The following TM6SF1 variants were observed in gnomAD, a reference collection of about 807,000 sequenced individuals.
The protein encoded by TM6SF1 is transmembrane 6 superfamily member 1.
In TM6SF1, 43 loss-of-function variants were observed where a neutral mutation model predicts 47.1. The ratio of observed to expected loss-of-function variants is 0.91; its 90% CI spans 0.72 to 1.18. The LOEUF (loss-of-function observed/expected upper bound fraction) is 1.18. Among genes scored for constraint, TM6SF1 ranks in the 50% most tolerant of loss-of-function variants. The pLI, the probability that TM6SF1 is intolerant of heterozygous loss-of-function variation, is 0.00. For missense variants in TM6SF1, 390 were observed against 449.0 expected (o/e 0.87, Z 1.19); for synonymous variants, 177 against 166.3 (o/e 1.06, Z -0.49).
intron 9 of TM6SF1, chr15:83,133,860 G>A (rs1234289060): frequency 6.6e-6 from 1 of 152,240 alleles, no homozygotes; most frequent in Non-Finnish European, 1.5e-5. Context: ...TGCCTTAGGA[G>A]AAAGCTATGG....
chr15:83,118,406 A>G (rs1442299675), intron 3 of TM6SF1, among the ~76,000 whole-genome samples: 1 of 152,204 alleles, frequency 6.6e-6, no homozygotes, highest in Non-Finnish European at 1.5e-5. Flanking sequence ...CTACCAGGAG[A>G]GGCCAGCACT....
At chr15:83,117,085 C>T (rs904247681) in intron 3 of TM6SF1, among the ~76,000 whole-genome samples, 1 of 152,058 alleles carries the variant, frequency 6.6e-6, no homozygotes, top group Non-Finnish European at 1.5e-5. Flanking sequence ...TGGGTGCAGT[C>T]GGGGAAGGCT....
At chr15:83,117,735 C>A (rs1488852098) in intron 3 of TM6SF1, among the ~76,000 whole-genome samples, 1 of 152,036 alleles carries the variant, frequency 6.6e-6, no homozygotes, top group Non-Finnish European at 1.5e-5. Context: ...GGAGATGGGG[C>A]TTGGTCCAGC....
chr15:83,114,822 G>A (rs1433014209), intron 2 of TM6SF1: 1 of 152,214 alleles, frequency 6.6e-6, no homozygotes, highest in Non-Finnish European at 1.5e-5. Flanking sequence ...ATCACCTGCT[G>A]TTTAAAAAGT....
At chr15:83,122,490 C>T (rs745885891) in intron 5 of TM6SF1, among the ~76,000 whole-genome samples, 1 of 152,160 alleles carries the variant, frequency 6.6e-6, no homozygotes, top group Non-Finnish European at 1.5e-5. Flanking sequence ...GACAGGATCT[C>T]ACTCTGTTGC....
At chr15:83,115,056 A>C (rs747697588) in intron 2 of TM6SF1, 1 of 152,962 alleles carries the variant, frequency 6.5e-6, no homozygotes, top group Non-Finnish European at 1.5e-5. Flanking sequence ...GGGTAACCAC[A>C]CTGGACACGC....
rs748880564 is a variant in TM6SF1 at position 83,136,613 on chromosome 15, C to T, written c.1054C>T (p.Arg352Cys). ...YGVLPQLLAY[R>C]CIYKPEFFIK... ...AGTTCTTCCTCAGCTCTTGGCCTAT[C>T]GTTGTATCTACAAACCAGAGTTCTT... The change falls in exon 10 of 10, where the codon CGT (arginine) becomes TGT (cysteine). Residue 352 changes from arginine to cysteine, a missense_variant. Coordinates refer to ENST00000322019, the MANE Select transcript of TM6SF1 (RefSeq NM_023003.5). 6.8e-6 allele frequency: 11 copies of T among 1,612,262 alleles called. No individual in the cohort carries two copies. The highest frequency in any genetic ancestry group is 4.4e-5 in the South Asian group (4 of 90,538).
At chr15:83,112,934 G>C (rs781500097) in intron 2 of TM6SF1, 34 bp downstream of exon 2, 1 of 1,478,344 alleles carries the variant, frequency 6.8e-7, no homozygotes, top group Non-Finnish European at 9.5e-7. Flanking sequence ...TTTTGTATCT[G>C]ATTAATAACA....
intron 4 of TM6SF1, 121 bp downstream of exon 4, chr15:83,119,802 C>A: frequency 4.0e-6 from 6 of 1,496,308 alleles, no homozygotes; most frequent in Non-Finnish European, 5.4e-6. Context: ...AATATAAGTT[C>A]CATGGGTGCA....
In TM6SF1 at chr15:83,107,813, C is replaced by T. The variant is rs769260152; in HGVS notation, c.92+41C>T. On this transcript the variant is annotated intron_variant, in intron 1 of 9. Transcript: ENST00000322019. This position sits in a 1 kb window ranked among gnomAD's most constrained non-coding sequence, Gnocchi z 5.6. ...CGGCGGGGGTCGCGCCGAGGGGCGG[C>T]GGGAGTTGGCTCGCCGCGACGGGAG... 1.3e-6 allele frequency: 2 copies of T among 1,548,250 alleles called. No homozygotes were observed. Among genetic ancestry groups the T allele is most frequent in the South Asian group, 2.4e-5 (2 of 84,360 alleles).
intron 4 of TM6SF1, 118 bp downstream of exon 4, chr15:83,119,799 G>A (rs1306283642): frequency 1.3e-6 from 2 of 1,505,638 alleles, no homozygotes; most frequent in African/African-American, 1.4e-5. Flanking sequence ...ATGAATATAA[G>A]TTCCATGGGT....
intron 3 of TM6SF1, among the ~76,000 whole-genome samples, chr15:83,118,230 T>TACAC (rs72160704): frequency 0.015 from 2,211 of 146,334 alleles, 18 homozygotes; most frequent in Non-Finnish European, 0.019. Flanking sequence ...TCTCTGTACG[T>TACAC]ACACACACAC....
intron 6 of TM6SF1, 35 bp from the exon 7 acceptor site, chr15:83,124,637 T>C (rs2035564699): frequency 6.5e-7 from 1 of 1,549,808 alleles, no homozygotes. Context: ...CTTTGGCACT[T>C]TGGGCCTGCT....
chr15:83,121,754 G>A (rs901476758), intron 4 of TM6SF1, among the ~76,000 whole-genome samples, 167 bp from the exon 5 acceptor site: 4 of 152,212 alleles, frequency 2.6e-5, no homozygotes, highest in African/African-American at 7.2e-5. Flanking sequence ...TGGCAATGAA[G>A]TTACATAACC....
intron 5 of TM6SF1, 128 bp from the exon 6 acceptor site, chr15:83,122,629 G>T: frequency 1.1e-6 from 1 of 909,874 alleles, no homozygotes; most frequent in Non-Finnish European, 1.7e-6. Flanking sequence ...TTTTTAATTT[G>T]GCCTCATTAA....
chr15:83,133,311 T>G (rs1296605463), intron 9 of TM6SF1: 2 of 152,254 alleles, frequency 1.3e-5, no homozygotes, highest in Non-Finnish European at 2.9e-5. Context: ...TTTCTGCCTA[T>G]AACATTCACA....
intron 2 of TM6SF1, 112 bp from the exon 3 acceptor site, chr15:83,115,733 C>T: frequency 3.8e-6 from 3 of 784,010 alleles, no homozygotes; most frequent in Non-Finnish European, 6.7e-6. Context: ...TAATTGTCCA[C>T]AGCATCTTCT....
chr15:83,122,276 G>A (rs1190426047), intron 5 of TM6SF1, among the ~76,000 whole-genome samples: 1 of 152,104 alleles, frequency 6.6e-6, no homozygotes, highest in African/African-American at 2.4e-5. Context: ...TGAGTATGGT[G>A]TTTATGGCTA....
chr15:83,133,950 C>A (rs62010212), intron 9 of TM6SF1: 38,169 of 152,150 alleles, frequency 0.25, 5,161 homozygotes, highest in African/African-American at 0.34. Context: ...AGCTGCACAC[C>A]ACTGGCCTTA....
Sources: allele counts gnomAD v4.1 joint callset (sites outside exome capture counted in the v4.1 genomes callset), GRCh38; gene constraint gnomAD v4.1.1; non-coding constraint Gnocchi (gnomAD v3.1); transcripts MANE v1.5; gene names NCBI Gene and HGNC (gene_info 2026-07-23, HGNC 2026-07-21).